The following BNIP1 variants were observed in gnomAD, a reference collection of about 807,000 sequenced individuals.
BNIP1 encodes the protein BCL2 interacting protein 1.
In BNIP1, 25 loss-of-function variants were observed where a neutral mutation model predicts 28.5. The observed-to-expected ratio is 0.88, with a 90% confidence interval of 0.64 to 1.23. BNIP1 has a LOEUF of 1.23. BNIP1 is among the 50% of genes most tolerant of loss of function. The pLI, the probability that BNIP1 is intolerant of heterozygous loss-of-function variation, is 0.00. For missense variants in BNIP1, 276 were observed against 277.0 expected (o/e 1.00, Z 0.02); for synonymous variants, 118 against 101.7 (o/e 1.16, Z -0.96).
chr5:173,160,396 G>T (rs1185682295), intron 5 of BNIP1, among the ~76,000 whole-genome samples: 1 of 152,020 alleles, frequency 6.6e-6, no homozygotes, highest in Non-Finnish European at 1.5e-5. Context: ...CACCACACCC[G>T]GCTAATTTTG....
At chr5:173,148,685 T>C (rs1025741068) in intron 2 of BNIP1, among the ~76,000 whole-genome samples, 3 of 152,144 alleles carry the variant, frequency 2.0e-5, no homozygotes, top group Admixed American at 6.5e-5. Flanking sequence ...TGTCATTATC[T>C]GGAGACATTC....
chr5:173,159,231 G>T (rs911744696), intron 4 of BNIP1, among the ~76,000 whole-genome samples: 2 of 152,002 alleles, frequency 1.3e-5, no homozygotes. Flanking sequence ...TAGAGACGGG[G>T]TTTAACCACG....
intron 5 of BNIP1, 28 bp from the exon 6 acceptor site, chr5:173,163,697 G>C (rs564518464): frequency 6.4e-7 from 1 of 1,554,192 alleles, no homozygotes; most frequent in South Asian, 1.2e-5. Context: ...CAGTCTCTGA[G>C]TTGGGCCTCC....
rs969394774 is a variant in BNIP1, at chr5:173,159,971, C to G, written c.410C>G (p.Thr137Ser). 1.2e-6 allele frequency: 2 copies of G among 1,614,172 alleles called. 1 individual carries two copies. The highest frequency in any genetic ancestry group is 2.7e-5 in the African/African-American group (2 of 75,044). Residue 137 changes from threonine (T) to serine (S), a missense_variant, in exon 5 of 6, where the codon ACC (threonine) becomes AGC (serine). By Grantham distance (58) the Thr-to-Ser change is moderately conservative. Coordinates refer to ENST00000351486, the MANE Select transcript of BNIP1 (RefSeq NM_001205.3). ...TKESLAQTSS[T>S]ITESLMGISR... ...GAGAGCCTGGCCCAGACATCCAGTACCATCACTGAGAGCCTCATGGGGATC... is the reference window on the plus strand; with the variant it reads ...GAGAGCCTGGCCCAGACATCCAGTAGCATCACTGAGAGCCTCATGGGGATC...
In BNIP1 at chr5:173,144,557, C is replaced by G. The variant is rs766327978; in HGVS notation, c.12C>G (p.Pro4=). Residue 4 remains proline (P), a synonymous_variant, in exon 1 of 6, where the codon CCC becomes CCG. Coordinates refer to ENST00000351486, the MANE Select transcript of BNIP1 (RefSeq NM_001205.3). Reference sequence around the variant, plus strand: ...CCGGCGTCCCCAACATGGCGGCTCCCCAAGACGTCCACGTCCGGATCTGTA... The same window carrying G: ...CCGGCGTCCCCAACATGGCGGCTCCGCAAGACGTCCACGTCCGGATCTGTA... MAA[P]QDVHVRICNQ... 1 of 1,614,014 alleles carries G rather than the reference C, an allele frequency of 6.2e-7. No homozygotes were observed. The highest frequency in any genetic ancestry group is 1.3e-5 in the African/African-American group (1 of 74,936).
At chr5:173,150,519 A>G (rs1026088535) in intron 2 of BNIP1, among the ~76,000 whole-genome samples, 3 of 152,232 alleles carry the variant, frequency 2.0e-5, no homozygotes, top group African/African-American at 7.2e-5. Flanking sequence ...TACCTAGCTG[A>G]TCTCTTCCTG....
rs192262288 is a variant in BNIP1 at position 173,152,748 on chromosome 5, T to C, written c.178-1574T>C. On this transcript the variant is annotated intron_variant, in intron 2 of 5. Coordinates refer to ENST00000351486, the MANE Select transcript of BNIP1 (RefSeq NM_001205.3). The stretch of plus-strand genomic sequence containing the variant: ...AACTTTTCTAATTCACAGTTGATTA[T>C]TTCTTTTATTCTCTACCTCAGCAAT... 6.8e-4 allele frequency among the ~76,000 whole-genome samples: 104 copies of C among 152,348 alleles called. 1 individual carries two copies. In the East Asian group the frequency reaches 9.8e-3, roughly 14 times the overall value.
chr5:173,159,603 G>A (rs1278479640), intron 4 of BNIP1, among the ~76,000 whole-genome samples: 2 of 152,116 alleles, frequency 1.3e-5, no homozygotes, highest in African/African-American at 4.8e-5. Context: ...ATACACCAGG[G>A]CATGTCTTAG....
rs530661176 is a variant in BNIP1, at chr5:173,160,299, A to G, written c.490+248A>G. The stretch of plus-strand genomic sequence containing the variant: ...GCCCAGGTTGGAGTGCAATGGTGCG[A>G]TCTCAGCTCACCGCAACCTCTGCCT... On this transcript the variant is annotated intron_variant, in intron 5 of 5. Coordinates refer to ENST00000351486, the MANE Select transcript of BNIP1 (RefSeq NM_001205.3). 2.0e-5 allele frequency among the ~76,000 whole-genome samples: 3 copies of G among 148,976 alleles called. No homozygotes were observed. In the Admixed American group the frequency reaches 2.0e-4, roughly 10 times the overall value.
intron 2 of BNIP1, among the ~76,000 whole-genome samples, chr5:173,149,911 T>G (rs929192034): frequency 6.6e-6 from 1 of 152,164 alleles, no homozygotes; most frequent in Non-Finnish European, 1.5e-5. Context: ...GGATTACCAT[T>G]CAACATGAGA....
chr5:173,158,679 G>A, intron 3 of BNIP1, 65 bp from the exon 4 acceptor site: 4 of 1,335,980 alleles, frequency 3.0e-6, no homozygotes, highest in Middle Eastern at 1.8e-4. Flanking sequence ...GGGAAGTGCT[G>A]TGAATTGAAC....
Position 173,158,789 on chromosome 5 carries a change from A to G in BNIP1, c.315A>G (p.Ala105=), listed in dbSNP as rs1362735607. The G allele has an allele frequency of 4.3e-6, 7 of 1,614,070 alleles. No homozygotes were observed. The highest frequency in any genetic ancestry group is 5.9e-6 in the Non-Finnish European group (7 of 1,180,038). The change falls in exon 4 of 6, where the codon GCA becomes GCG. Residue 105 remains alanine (A), a synonymous_variant. Transcript: ENST00000351486. ...AAGCTAATCTCACCTGCAAAATTGCAATCGACAATCTAGAGAAAGCAGAAC... is the reference window on the plus strand; with the variant it reads ...AAGCTAATCTCACCTGCAAAATTGCGATCGACAATCTAGAGAAAGCAGAAC... The part of the protein sequence containing the change: ...WRKANLTCKI[A]IDNLEKAELL...
chr5:173,161,673 T>A (rs1760365926), intron 5 of BNIP1: 1 of 152,096 alleles, frequency 6.6e-6, no homozygotes. Context: ...GACCATAATT[T>A]TAAAACAAAA....
At chr5:173,150,773 TCTTC>T (rs945526283) in intron 2 of BNIP1, among the ~76,000 whole-genome samples, 10 of 152,334 alleles carry the variant, frequency 6.6e-5, no homozygotes, top group Middle Eastern at 3.4e-3. Flanking sequence ...TTTTAAAATT[TCTTC>T]CTTGTTTCTC....
At position 173,158,791 on chromosome 5, in the gene BNIP1, T is replaced by G. The variant is rs983482892; in HGVS notation, c.317T>G (p.Ile106Ser). ...GCTAATCTCACCTGCAAAATTGCAA[T>G]CGACAATCTAGAGAAAGCAGAACTT... ...RKANLTCKIAIDNLEKAELLQ... is the reference protein window; with the variant it reads ...RKANLTCKIASDNLEKAELLQ... Residue 106 changes from isoleucine to serine, a missense_variant, in exon 4 of 6, where the codon ATC becomes AGC. Physicochemically the swap from Ile to Ser is moderately radical, Grantham distance 142. Transcript: ENST00000351486. 1.9e-6 allele frequency: 3 copies of G among 1,614,124 alleles called. No homozygotes were observed. The highest frequency in any genetic ancestry group is 2.5e-6 in the Non-Finnish European group (3 of 1,180,020).
In BNIP1 at chr5:173,144,681, G is replaced by T. The variant is rs545367762; in HGVS notation, c.84+52G>T. The T allele has an allele frequency of 7.6e-6, 12 of 1,579,354 alleles. No individual in the cohort carries two copies. In the South Asian group the frequency reaches 1.2e-4, roughly 16 times the overall value. ...CTCCAGCAGCCCTAACCCAAGCTCT[G>T]CTGGTCTGTGAGCTTGGCAGTGTCA... On this transcript the variant is annotated intron_variant, in intron 1 of 5. Transcript: ENST00000351486.
intron 3 of BNIP1, among the ~76,000 whole-genome samples, chr5:173,157,952 G>C (rs1760251353): frequency 6.7e-6 from 1 of 148,534 alleles, no homozygotes; most frequent in Non-Finnish European, 1.5e-5. Context: ...CTTGAGAGAA[G>C]GTCTTACTCT....
chr5:173,144,831 C>T, intron 1 of BNIP1: 3 of 562,064 alleles, frequency 5.3e-6, no homozygotes, highest in South Asian at 4.4e-5. Flanking sequence ...CGGGTGCCGC[C>T]GGATCTCCCA....
chr5:173,156,357 T>G (rs1760185164), intron 3 of BNIP1, among the ~76,000 whole-genome samples: 1 of 152,112 alleles, frequency 6.6e-6, no homozygotes, highest in Non-Finnish European at 1.5e-5. Context: ...CAATTTATAC[T>G]TTGGGGCTAT....
Sources: allele counts gnomAD v4.1 joint callset (sites outside exome capture counted in the v4.1 genomes callset), GRCh38; gene constraint gnomAD v4.1.1; transcripts MANE v1.5; gene names NCBI Gene and HGNC (gene_info 2026-07-23, HGNC 2026-07-21).